SNAPC2: variants seen among roughly 807,000 people sequenced by gnomAD.
SNAPC2 encodes the protein small nuclear RNA activating complex polypeptide 2, also known as snRNA-activating protein complex subunit 2.
SNAPC2 carries 27 observed loss-of-function variants against 22.9 expected under a neutral mutation model. The observed-to-expected ratio is 1.18, with a 90% CI of 0.87 to 1.63. The LOEUF is 1.63. SNAPC2 is among the 40% of genes most tolerant of loss of function. The pLI is 0.00. For missense variants in SNAPC2, 570 were observed against 449.1 expected (o/e 1.27, Z -2.43); for synonymous variants, 272 against 201.0 (o/e 1.35, Z -2.99).
At position 7,922,024 on chromosome 19, in the gene SNAPC2, C is replaced by G. The variant is rs780246629; in HGVS notation, c.373-11C>G. On this transcript the variant is annotated splice_polypyrimidine_tract_variant and intron_variant, in intron 3 of 4. Transcript: ENST00000221573. ...CAGCTCCTCTTCCTCCCTGATTGTT[C>G]TGCCTGCCAGGTGCTCACCATCGCG... The G allele has an allele frequency of 9.4e-6, 15 of 1,599,178 alleles. No homozygotes were observed. The highest frequency in any genetic ancestry group is 1.0e-5 in the Non-Finnish European group (12 of 1,170,844).
chr19:7,922,099 A>G lies in SNAPC2; in HGVS notation c.437A>G (p.Gln146Arg), dbSNP rs1452160848. Residue 146 changes from glutamine (Q) to arginine (R), a missense_variant, in exon 4 of 5, where the codon CAG becomes CGG. By Grantham distance (43) the Gln-to-Arg change is conservative. Transcript: ENST00000221573. Reference protein sequence around the residue: ...LLHSKPPKPTQARGKPLLLSA... With the variant: ...LLHSKPPKPTRARGKPLLLSA... ...CACTCCAAGCCCCCCAAGCCCACGC[A>G]GGCCCGTGGAAAGCCTTTGCTCCTG... The G allele has an allele frequency of 6.2e-7, 1 of 1,613,814 alleles. No individual in the cohort carries two copies. Among genetic ancestry groups the G allele is most frequent in the East Asian group, 2.2e-5 (1 of 44,864 alleles).
In SNAPC2 at chr19:7,922,572, T is replaced by C; in HGVS notation, c.813T>C (p.Ala271=). The change falls in exon 5 of 5, where the codon GCT becomes GCC. Residue 271 remains alanine, a synonymous_variant. Coordinates refer to ENST00000221573, the MANE Select transcript of SNAPC2 (RefSeq NM_003083.4). The part of the protein sequence containing the change: ...LRLTAPQPIP[A]GGSLGPAAEG... ...TGACAGCCCCCCAGCCCATTCCCGC[T>C]GGAGGGAGCCTGGGGCCTGCAGCAG... The C allele has an allele frequency of 6.2e-7, 1 of 1,613,384 alleles. No homozygotes were observed. Among genetic ancestry groups the C allele is most frequent in the South Asian group, 1.1e-5 (1 of 91,048 alleles).
chr19:7,920,745 G>A (rs1441894312), intron 1 of SNAPC2, 196 bp downstream of exon 1: 1 of 326,756 alleles, frequency 3.1e-6, no homozygotes, highest in African/African-American at 2.6e-5. Context: ...GACGGGAAGA[G>A]AAGACCTAGG....
intron 3 of SNAPC2, 85 bp downstream of exon 3, chr19:7,921,858 CT>C: frequency 1.4e-6 from 2 of 1,477,726 alleles, no homozygotes; most frequent in Non-Finnish European, 1.9e-6. Context: ...GTCCTGGGCC[CT>C]TTTGCCAGCT....
chr19:7,922,046 C>T lies in SNAPC2; in HGVS notation c.384C>T (p.Ile128=), dbSNP rs1983593464. ...GTTCTGCCTGCCAGGTGCTCACCATCGCGGCCACGGAACCGGTCACCCTCC... is the reference window on the plus strand; with the variant it reads ...GTTCTGCCTGCCAGGTGCTCACCATTGCGGCCACGGAACCGGTCACCCTCC... ...LAVAFSQVLT[I]AATEPVTLLH... The change falls in exon 4 of 5, where the codon ATC becomes ATT. Residue 128 remains isoleucine (I), a synonymous_variant. Coordinates refer to ENST00000221573, the MANE Select transcript of SNAPC2 (RefSeq NM_003083.4). 5.6e-6 allele frequency: 9 copies of T among 1,608,076 alleles called. No homozygotes were observed. Among genetic ancestry groups the T allele is most frequent in the East Asian group, 2.2e-5 (1 of 44,736 alleles).
At chr19:7,921,398 A>G (rs977526227) in intron 1 of SNAPC2, 25 bp from the exon 2 acceptor site, 3 of 1,613,726 alleles carry the variant, frequency 1.9e-6, no homozygotes, top group Admixed American at 1.7e-5. Context: ...TAGAAGCCTC[A>G]TTCCGCCGCC....
rs756105274 is a variant in SNAPC2 at position 7,922,639 on chromosome 19, C to A, written c.880C>A (p.Pro294Thr). 3.7e-6 allele frequency: 6 copies of A among 1,612,224 alleles called. No individual in the cohort carries two copies. In the Admixed American group the frequency reaches 1.0e-4, roughly 27 times the overall value. Residue 294 changes from proline to threonine, a missense_variant, in exon 5 of 5, where the codon CCA (proline) becomes ACA (threonine). Coordinates refer to ENST00000221573, the MANE Select transcript of SNAPC2 (RefSeq NM_003083.4). ...AGSKAPEETP[P>T]ATEKAEHSEL... ...CTCCAAGGCACCAGAGGAGACCCCC[C>A]CAGCCACCGAGAAGGCCGAGCACAG...
intron 1 of SNAPC2, chr19:7,921,019 G>C: frequency 8.7e-7 from 1 of 1,143,482 alleles, no homozygotes; most frequent in Non-Finnish European, 1.1e-6. Flanking sequence ...GGTAATGCGT[G>C]GGTGAGGCGA....
rs767057828 is a variant in SNAPC2 at position 7,922,060 on chromosome 19, C to G, written c.398C>G (p.Pro133Arg). ...SQVLTIAATE[P>R]VTLLHSKPPK... ...GTGCTCACCATCGCGGCCACGGAAC[C>G]GGTCACCCTCCTGCACTCCAAGCCC... The change falls in exon 4 of 5, where the codon CCG (proline) becomes CGG (arginine). Residue 133 changes from proline (P) to arginine (R), a missense_variant. Physicochemically the swap from Pro to Arg is moderately radical, Grantham distance 103. Transcript: ENST00000221573. 4 of 1,610,164 alleles carry G rather than the reference C, an allele frequency of 2.5e-6. No individual in the cohort carries two copies. Among genetic ancestry groups the G allele is most frequent in the African/African-American group, 1.3e-5 (1 of 74,880 alleles).
Position 7,920,519 on chromosome 19 carries a change from C to T in SNAPC2, c.153C>T (p.Ala51=). 1.4e-6 allele frequency: 2 copies of T among 1,455,146 alleles called. No homozygotes were observed. The highest frequency in any genetic ancestry group is 1.3e-5 in the South Asian group (1 of 74,186). The allele number at this position is 1,455,146 out of a possible 1,614,324, so 90.1% of individuals were successfully genotyped here. Residue 51 remains alanine, a synonymous_variant, in exon 1 of 5, where the codon GCC becomes GCT. Transcript: ENST00000221573. ...CGGAGCCGGACGCCACCGAGCTGGC[C>T]CGGGAGCTGCGGGGCCGGAGCGAGG... is the stretch of plus-strand genomic sequence containing the variant. ...GQPEPDATEL[A]RELRGRSEAE... is the part of the protein sequence containing the mutation.
Position 7,922,095 on chromosome 19 carries a change from A to C in SNAPC2, c.433A>C (p.Thr145Pro). The C allele has an allele frequency of 6.2e-7, 1 of 1,613,704 alleles. No individual in the cohort carries two copies. ...TLLHSKPPKP[T>P]QARGKPLLLS... Reference sequence around the variant, plus strand: ...CCTGCACTCCAAGCCCCCCAAGCCCACGCAGGCCCGTGGAAAGCCTTTGCT... The same window carrying C: ...CCTGCACTCCAAGCCCCCCAAGCCCCCGCAGGCCCGTGGAAAGCCTTTGCT... Residue 145 changes from threonine to proline, a missense_variant, in exon 4 of 5, where the codon ACG becomes CCG. Thr to Pro is a conservative substitution (Grantham distance 38). Transcript: ENST00000221573.
chr19:7,921,175 A>C, intron 1 of SNAPC2: 1 of 1,415,160 alleles, frequency 7.1e-7, no homozygotes, highest in Non-Finnish European at 9.2e-7. Flanking sequence ...GGTAGTAGTC[A>C]GCATAGGGTT....
chr19:7,922,368 G>C (rs755586311), intron 4 of SNAPC2, 21 bp downstream of exon 4: 28 of 1,606,644 alleles, frequency 1.7e-5, no homozygotes, highest in Admixed American at 1.0e-4. Context: ...TGAGGGAGGG[G>C]GCAGGAGCAG....
intron 1 of SNAPC2, chr19:7,921,198 C>T (rs1983558767): frequency 3.5e-6 from 5 of 1,416,840 alleles, no homozygotes; most frequent in Non-Finnish European, 4.6e-6. Flanking sequence ...GCCCTGGCTG[C>T]GTGAAGGAGC....
At position 7,922,954 on chromosome 19, in the gene SNAPC2, G is replaced by T. The variant is rs1983643475; in HGVS notation, c.*190G>T. 1.8e-6 allele frequency: 1 copy of T among 546,360 alleles called. No individual in the cohort carries two copies. The highest frequency in any genetic ancestry group is 3.2e-6 in the Non-Finnish European group (1 of 312,566). The allele number at this position is 546,360 out of a possible 1,614,324, so 33.8% of individuals were successfully genotyped here. A position where few individuals can be genotyped will look rare whatever the true frequency, so the allele number is the denominator to read the frequency against. ...GAAATGGAACCCCCGTTGTACAGGG[G>T]TTGGGTGGGGGTTGCAGGACTCCAC... On this transcript the variant is annotated 3_prime_UTR_variant, in exon 5 of 5. Transcript: ENST00000221573.
At chr19:7,920,897 G>A in intron 1 of SNAPC2, 1 of 1,071,374 alleles carries the variant, frequency 9.3e-7, no homozygotes. Context: ...GCCTGGGGGC[G>A]GGGCGTGGGC....
chr19:7,920,572 G>A, intron 1 of SNAPC2, 23 bp downstream of exon 1: 1 of 1,269,792 alleles, frequency 7.9e-7, no homozygotes, highest in Non-Finnish European at 1.0e-6. Context: ...TCTCGGGACC[G>A]GAGCCAGGCT....
chr19:7,920,351 C>T lies in SNAPC2; in HGVS notation c.-16C>T. The T allele has an allele frequency of 1.3e-6, 2 of 1,560,514 alleles. No homozygotes were observed. Among genetic ancestry groups the T allele is most frequent in the South Asian group, 1.1e-5 (1 of 87,852 alleles). On this transcript the variant is annotated 5_prime_UTR_variant, in exon 1 of 5. Transcript: ENST00000221573. ...CGGAGAAGCGACCTTACAGCGCCTG[C>T]CTCTTTCTGAGCGGCATGAAGCCAC...
In SNAPC2 at chr19:7,922,051, C is replaced by A. The variant is rs773830865; in HGVS notation, c.389C>A (p.Ala130Asp). ...VAFSQVLTIA[A>D]TEPVTLLHSK... The stretch of plus-strand genomic sequence containing the variant: ...GCCTGCCAGGTGCTCACCATCGCGG[C>A]CACGGAACCGGTCACCCTCCTGCAC... The change falls in exon 4 of 5, where the codon GCC becomes GAC. Residue 130 changes from alanine (A) to aspartate (D), a missense_variant. By Grantham distance (126) the Ala-to-Asp change is moderately radical. Coordinates refer to ENST00000221573, the MANE Select transcript of SNAPC2 (RefSeq NM_003083.4). 1 of 1,609,022 alleles carries A rather than the reference C, an allele frequency of 6.2e-7. No homozygotes were observed. Among genetic ancestry groups the A allele is most frequent in the South Asian group, 1.1e-5 (1 of 90,902 alleles).
Sources: allele counts gnomAD v4.1 joint callset, GRCh38; gene constraint gnomAD v4.1.1; transcripts MANE v1.5; gene names NCBI Gene and HGNC (gene_info 2026-07-23, HGNC 2026-07-21).